The following PCCA variants were observed in gnomAD, a reference collection of about 807,000 sequenced individuals.
PCCA encodes the protein propionyl-CoA carboxylase alpha chain, mitochondrial.
In PCCA, 74 loss-of-function variants were observed where a neutral mutation model predicts 101.3. That is an observed-to-expected ratio of 0.73 (90% CI 0.61 to 0.89). The LOEUF (loss-of-function observed/expected upper bound fraction) is 0.89. Ranked by LOEUF, PCCA falls within the 40% of genes least tolerant of loss-of-function variation. The pLI is 0.00. For synonymous variants in PCCA, 294 were observed against 313.6 expected (o/e 0.94, Z 0.66); for missense variants, 891 against 907.0 (o/e 0.98, Z 0.23).
intron 6 of PCCA, among the ~76,000 whole-genome samples, chr13:100,195,684 C>A (rs901285630): frequency 6.6e-6 from 1 of 152,178 alleles, no homozygotes; most frequent in African/African-American, 2.4e-5. Context: ...AAACCTCTTT[C>A]TATTTTCTTA....
intron 4 of PCCA, among the ~76,000 whole-genome samples, chr13:100,119,129 G>A (rs1054368559): frequency 2.6e-4 from 40 of 152,216 alleles, no homozygotes; most frequent in African/African-American, 9.6e-4. Context: ...TGTCTGTGGA[G>A]TAAGCTGTTG....
At position 100,246,575 on chromosome 13, in the gene PCCA, G is replaced by A. The variant is rs556824303; in HGVS notation, c.637+10697G>A. Among the ~76,000 whole-genome samples the A allele has an allele frequency of 6.6e-5, 10 of 152,012 alleles. No individual in the cohort carries two copies. The East Asian group carries it at 1.9e-3, about 29-fold the overall frequency. ...ATTCCTGGGCTCTACTGATCCTCCT[G>A]CTTTGGCCTCCCAAAGTGCTAGAAT... On this transcript the variant is annotated intron_variant, in intron 8 of 23. Coordinates refer to ENST00000376285, the MANE Select transcript of PCCA (RefSeq NM_000282.4).
chr13:100,314,322 C>T (rs934443616), intron 16 of PCCA, among the ~76,000 whole-genome samples: 1 of 152,200 alleles, frequency 6.6e-6, no homozygotes, highest in African/African-American at 2.4e-5. Context: ...GCACCACCCT[C>T]CATCACTTCC....
chr13:100,455,173 G>A (rs181687640), intron 21 of PCCA, among the ~76,000 whole-genome samples: 1 of 152,282 alleles, frequency 6.6e-6, no homozygotes, highest in East Asian at 1.9e-4. Context: ...TGGGCAAAGG[G>A]TGGAATAAAA....
At chr13:100,149,004 A>G (rs564697857) in intron 4 of PCCA, among the ~76,000 whole-genome samples, 4 of 152,154 alleles carry the variant, frequency 2.6e-5, no homozygotes, top group Non-Finnish European at 4.4e-5. Context: ...TTTAAAAAAA[A>G]TCATTTTGTT....
At chr13:100,131,680 T>C (rs573515740) in intron 4 of PCCA, among the ~76,000 whole-genome samples, 1 of 152,242 alleles carries the variant, frequency 6.6e-6, no homozygotes, top group East Asian at 1.9e-4. Context: ...GCCTTTACAG[T>C]ATTTTATTAT....
chr13:100,093,361 G>A (rs1486087127), intron 1 of PCCA, among the ~76,000 whole-genome samples: 1 of 152,162 alleles, frequency 6.6e-6, no homozygotes, highest in Non-Finnish European at 1.5e-5. Context: ...GGATTTGGAA[G>A]AAGGAAGAAG....
At chr13:100,282,439 T>C (rs2064205814) in intron 12 of PCCA, among the ~76,000 whole-genome samples, 1 of 151,540 alleles carries the variant, frequency 6.6e-6, no homozygotes, top group South Asian at 2.1e-4. Context: ...TGCAGGGAGG[T>C]GTGGAGGGAG....
intron 6 of PCCA, chr13:100,161,641 T>G (rs1444066935): frequency 6.7e-6 from 1 of 148,802 alleles, no homozygotes; most frequent in Non-Finnish European, 1.5e-5. Flanking sequence ...TATGATACTC[T>G]ACTCATTCAT....
At chr13:100,353,011 C>T (rs1431994035) in intron 18 of PCCA, among the ~76,000 whole-genome samples, 2 of 152,140 alleles carry the variant, frequency 1.3e-5, no homozygotes, top group Non-Finnish European at 2.9e-5. Context: ...GCTGCCAAGA[C>T]AAAATATTGT....
intron 21 of PCCA, among the ~76,000 whole-genome samples, chr13:100,461,379 T>G (rs2082153584): frequency 6.6e-6 from 1 of 152,244 alleles, no homozygotes. Context: ...AGATATCAAA[T>G]TTTAATAGAG....
At chr13:100,307,494 A>T (rs774362552) in intron 15 of PCCA, among the ~76,000 whole-genome samples, 1 of 152,204 alleles carries the variant, frequency 6.6e-6, no homozygotes, top group Non-Finnish European at 1.5e-5. Context: ...ACACACATGC[A>T]TGAACAATAA....
chr13:100,309,354 G>A (rs949044140), intron 15 of PCCA, among the ~76,000 whole-genome samples: 5 of 152,158 alleles, frequency 3.3e-5, no homozygotes, highest in East Asian at 1.9e-4. Flanking sequence ...CTGAGATTGC[G>A]CCACTGCCCT....
intron 19 of PCCA, among the ~76,000 whole-genome samples, chr13:100,408,430 A>G (rs989486774): frequency 2.0e-5 from 3 of 152,202 alleles, no homozygotes; most frequent in Admixed American, 6.5e-5. Flanking sequence ...TTGTTTCTCA[A>G]TGATTAAAGT....
intron 2 of PCCA, among the ~76,000 whole-genome samples, chr13:100,107,006 C>A (rs182475207): frequency 2.0e-5 from 3 of 152,178 alleles, no homozygotes; most frequent in Non-Finnish European, 4.4e-5. Context: ...TTCTCCTTCC[C>A]GGATTCCTGC....
intron 19 of PCCA, among the ~76,000 whole-genome samples, chr13:100,398,331 C>T (rs2077152982): frequency 6.6e-6 from 1 of 152,204 alleles, no homozygotes; most frequent in South Asian, 2.1e-4. Flanking sequence ...CAGCACATCT[C>T]ACATTGAGAA....
At chr13:100,219,694 C>A (rs973917790) in intron 7 of PCCA, among the ~76,000 whole-genome samples, 25 of 152,110 alleles carry the variant, frequency 1.6e-4, no homozygotes, top group African/African-American at 6.0e-4. Flanking sequence ...AGTGAAAATT[C>A]GTCTTGTGAG....
At chr13:100,433,302 T>C (rs35916377) in intron 20 of PCCA, among the ~76,000 whole-genome samples, 29,402 of 152,202 alleles carry the variant, frequency 0.19, 3,700 homozygotes, top group East Asian at 0.55. Context: ...TCTGTTTTGT[T>C]TTGTTTTTTA....
At chr13:100,231,244 G>C (rs558478843) in intron 7 of PCCA, among the ~76,000 whole-genome samples, 2 of 152,266 alleles carry the variant, frequency 1.3e-5, no homozygotes, top group African/African-American at 4.8e-5. Flanking sequence ...TGTCTTTCTT[G>C]TTCCGTCCCG....
Sources: gnomAD v4.1 joint callset for allele counts (sites outside exome capture counted in the v4.1 genomes callset) on GRCh38, gnomAD v4.1.1 for gene constraint, MANE v1.5 for transcripts, NCBI Gene and HGNC (gene_info 2026-07-23, HGNC 2026-07-21) for gene names.